PTPN20: variants seen among roughly 807,000 people sequenced by gnomAD.
The protein encoded by PTPN20 is protein tyrosine phosphatase non-receptor type 20.
A neutral mutation model predicts 35.0 loss-of-function variants in PTPN20; 9 were observed. The ratio of observed to expected loss-of-function variants is 0.26; its 90% CI spans 0.15 to 0.45. The LOEUF (loss-of-function observed/expected upper bound fraction) is 0.45, where lower values mean the gene tolerates loss of function less well. PTPN20 is among the 20% of genes least tolerant of loss of function. The pLI, the probability that PTPN20 is intolerant of heterozygous loss-of-function variation, is 1.00. For synonymous variants in PTPN20, 32 were observed against 100.2 expected, an observed-to-expected ratio of 0.32 and a Z score of 4.06; for missense variants, 111 against 312.5, an observed-to-expected ratio of 0.36 and a Z score of 4.86.
Position 47,000,667 on chromosome 10 carries a change from T to G in PTPN20, c.1198-9T>G. On this transcript the variant is annotated splice_polypyrimidine_tract_variant and intron_variant, in intron 10 of 10. Transcript: ENST00000374339. ...AACATTCTGTTGTTTTTTATATATATGTATATAGGAGCAGTATCACTTTTG... is the reference window on the plus strand; with the variant it reads ...AACATTCTGTTGTTTTTTATATATAGGTATATAGGAGCAGTATCACTTTTG... 6.2e-7 allele frequency: 1 copy of G among 1,613,170 alleles called. No homozygotes were observed. The highest frequency in any genetic ancestry group is 8.5e-7 in the Non-Finnish European group (1 of 1,179,268).
chr10:46,967,479 T>A, intron 6 of PTPN20, among the ~76,000 whole-genome samples: 1 of 116,250 alleles, frequency 8.6e-6, no homozygotes, highest in Non-Finnish European at 1.7e-5. Context: ...GGTAAAGAAA[T>A]TTTTTGAAAG....
In PTPN20 at chr10:46,945,259, G is replaced by A. The variant is rs1368924733; in HGVS notation, c.227+1244G>A. Among the ~76,000 whole-genome samples, 346 of 151,998 alleles carry A rather than the reference G, an allele frequency of 2.3e-3. 1 individual carries two copies. Among genetic ancestry groups the A allele is most frequent in the African/African-American group, 7.9e-3 (326 of 41,328 alleles). On this transcript the variant is annotated intron_variant, in intron 4 of 10. Transcript: ENST00000374339. ...CTGTTAAAATCAAAAGGATGCATAC[G>A]GAGGGTCTTTTTGTTTTATTCATGC...
intron 9 of PTPN20, among the ~76,000 whole-genome samples, chr10:46,988,723 A>G (rs2137047860): frequency 1.3e-5 from 2 of 151,836 alleles, no homozygotes; most frequent in African/African-American, 4.8e-5. Context: ...ATAGTATTCC[A>G]TTTTCCAATT....
chr10:46,999,143 T>C (rs1295901626), intron 9 of PTPN20, among the ~76,000 whole-genome samples: 3 of 152,208 alleles, frequency 2.0e-5, no homozygotes, highest in Non-Finnish European at 2.9e-5. Flanking sequence ...ATTTTAATTA[T>C]AAAAATGATA....
At chr10:46,995,927 T>G (rs1213740734) in intron 9 of PTPN20, among the ~76,000 whole-genome samples, 4 of 152,194 alleles carry the variant, frequency 2.6e-5, no homozygotes, top group Admixed American at 2.6e-4. Context: ...CTTCTCCTCG[T>G]ATTTGATTTC....
chr10:46,968,694 T>C (rs2051464571), intron 7 of PTPN20, among the ~76,000 whole-genome samples: 1 of 151,896 alleles, frequency 6.6e-6, no homozygotes, highest in African/African-American at 2.4e-5. Flanking sequence ...AAAGTCAAAG[T>C]TTTTCAAAAC....
At chr10:46,998,358 GA>G (rs2059510496) in intron 9 of PTPN20, among the ~76,000 whole-genome samples, 2 of 152,220 alleles carry the variant, frequency 1.3e-5, no homozygotes, top group Non-Finnish European at 2.9e-5. Context: ...TTCTGGGTGG[GA>G]AAAAAGTCAA....
At position 47,001,272 on chromosome 10, in the gene PTPN20, C is replaced by T. The variant is rs1330293807; in HGVS notation, c.*531C>T. ...TTAAAAAGAGTCCAGTTAGGGTGGA[C>T]TAACTTTGGACACAAATTGGCTTCC... On this transcript the variant is annotated 3_prime_UTR_variant, in exon 11 of 11. Transcript: ENST00000374339. 3 of 158,436 alleles carry T rather than the reference C, an allele frequency of 1.9e-5. No individual in the cohort carries two copies. Among genetic ancestry groups the T allele is most frequent in the African/African-American group, 7.2e-5 (3 of 41,548 alleles). 9.8% of individuals were successfully genotyped at this position (158,436 alleles called of 1,614,324 possible).
At chr10:46,932,062 T>TTG (rs71023200) in intron 1 of PTPN20, among the ~76,000 whole-genome samples, 4,585 of 133,536 alleles carry the variant, frequency 0.034, 115 homozygotes, top group Middle Eastern at 0.06. Flanking sequence ...TTGATTGAAT[T>TTG]TGTGTGTGTG....
rs1359445126 is a variant in PTPN20, at chr10:46,983,477, G to C, written c.584-753G>C. ...TTCTGCTCTCACTGTGGGGATGGTG[G>C]TGGAACCAGAGCTTCAGATGTCTGT... is the stretch of plus-strand genomic sequence containing the variant. On this transcript the variant is annotated intron_variant, in intron 7 of 10. Transcript: ENST00000374339. Among the ~76,000 whole-genome samples, 238 of 151,878 alleles carry C rather than the reference G, an allele frequency of 1.6e-3. 2 individuals are homozygous for C. Among genetic ancestry groups the C allele is most frequent in the African/African-American group, 5.4e-3 (224 of 41,332 alleles).
intron 1 of PTPN20, among the ~76,000 whole-genome samples, chr10:46,925,276 A>G (rs1324441548): frequency 6.7e-6 from 1 of 148,172 alleles, no homozygotes; most frequent in Non-Finnish European, 1.5e-5. Context: ...AACTTTAGCC[A>G]CTCGCTTCTA....
At chr10:46,992,033 C>G (rs2137314309) in intron 9 of PTPN20, among the ~76,000 whole-genome samples, 2 of 151,946 alleles carry the variant, frequency 1.3e-5, no homozygotes, top group South Asian at 4.2e-4. Flanking sequence ...AAGTTGTTTA[C>G]TCTTCTTCTC....
At chr10:46,919,132 G>T (rs1487457362) in intron 1 of PTPN20, among the ~76,000 whole-genome samples, 2 of 151,298 alleles carry the variant, frequency 1.3e-5, no homozygotes, top group African/African-American at 2.4e-5. Flanking sequence ...GTTTACATGG[G>T]TTATCTTTTT....
intron 5 of PTPN20, among the ~76,000 whole-genome samples, chr10:46,960,612 C>T (rs2049709597): frequency 2.0e-5 from 3 of 151,868 alleles, no homozygotes; most frequent in Admixed American, 2.0e-4. Flanking sequence ...AAATTCATCA[C>T]TTGACAGTTT....
At chr10:46,981,250 C>T (rs1450292501) in intron 7 of PTPN20, 1 of 142,062 alleles carries the variant, frequency 7.0e-6, no homozygotes, top group Non-Finnish European at 1.5e-5. Flanking sequence ...AATAGAGTGA[C>T]ATGCTCTATG....
At chr10:46,960,690 TCTTA>T (rs1286150988) in intron 5 of PTPN20, among the ~76,000 whole-genome samples, 1 of 152,188 alleles carries the variant, frequency 6.6e-6, no homozygotes, top group African/African-American at 2.4e-5. Flanking sequence ...TTTCTCTTTT[TCTTA>T]CTTCTGTGTG....
chr10:46,979,047 G>C (rs1282395138), intron 7 of PTPN20, among the ~76,000 whole-genome samples: 2 of 152,022 alleles, frequency 1.3e-5, no homozygotes, highest in African/African-American at 2.4e-5. Flanking sequence ...TTTACACACA[G>C]AGAACACCTT....
At position 47,001,242 on chromosome 10, in the gene PTPN20, C is replaced by G. The variant is rs1240100993; in HGVS notation, c.*501C>G. ...TACTTTTTGCTGGCATTTGAATAAC[C>G]CAGTTTAAAAAGAGTCCAGTTAGGG... On this transcript the variant is annotated 3_prime_UTR_variant, in exon 11 of 11. Coordinates refer to ENST00000374339, the MANE Select transcript of PTPN20 (RefSeq NM_001042357.5). 6.1e-6 allele frequency: 1 copy of G among 165,284 alleles called. No homozygotes were observed. Among genetic ancestry groups the G allele is most frequent in the Admixed American group, 5.6e-5 (1 of 17,914 alleles). The allele number at this position is 165,284 out of a possible 1,614,324, so 10.2% of individuals were successfully genotyped here.
intron 5 of PTPN20, among the ~76,000 whole-genome samples, chr10:46,953,232 C>G (rs1377905618): frequency 7.0e-6 from 1 of 143,220 alleles, no homozygotes; most frequent in Non-Finnish European, 1.5e-5. Flanking sequence ...AATTCTAGGG[C>G]CTTTTAAATA....
Sources: allele counts gnomAD v4.1 joint callset (sites outside exome capture counted in the v4.1 genomes callset), GRCh38; gene constraint gnomAD v4.1.1; transcripts MANE v1.5; gene names NCBI Gene and HGNC (gene_info 2026-07-23, HGNC 2026-07-21).